Variants in SLC35G1 observed in about 807,000 individuals in gnomAD.
SLC35G1 encodes partner of STIM1.
A neutral mutation model predicts 17.1 loss-of-function variants in SLC35G1; 10 were observed. The observed-to-expected ratio is 0.59, with a 90% confidence interval of 0.36 to 0.99. The LOEUF (loss-of-function observed/expected upper bound fraction) is 0.99. SLC35G1 is among the 50% of genes least tolerant of loss of function. SLC35G1 has a pLI of 0.01. For missense variants in SLC35G1, 433 were observed against 468.4 expected (o/e 0.92, Z 0.70); for synonymous variants, 185 against 181.1 (o/e 1.02, Z -0.18).
intron 2 of SLC35G1, among the ~76,000 whole-genome samples, chr10:93,900,041 T>C (rs1465808496): frequency 2.6e-5 from 4 of 152,160 alleles, no homozygotes; most frequent in African/African-American, 4.8e-5. Context: ...GTCAGCAAGT[T>C]GCACCTAGCC....
chr10:93,908,307 T>C (rs1410259903), downstream of SLC35G1: 3 of 152,198 alleles, frequency 2.0e-5, no homozygotes, highest in Non-Finnish European at 4.4e-5. Context: ...GAACTGAAGT[T>C]CAAAGAGGTT....
At chr10:93,894,240 G>T in intron 1 of SLC35G1, 29 bp downstream of exon 1, 1 of 1,322,344 alleles carries the variant, frequency 7.6e-7, no homozygotes, top group South Asian at 2.0e-5. Flanking sequence ...TCGGGCTCTG[G>T]TCTCGCTCGG....
intron 1 of SLC35G1, among the ~76,000 whole-genome samples, chr10:93,896,321 T>C (rs887390055): frequency 2.6e-5 from 4 of 152,138 alleles, no homozygotes; most frequent in Admixed American, 2.6e-4. Flanking sequence ...GTTACTCAGG[T>C]GATTCTAATT....
At chr10:93,903,941 C>CA (rs1213445844), downstream of SLC35G1, 6 of 67,052 alleles carry the variant, frequency 8.9e-5, no homozygotes, top group Admixed American at 2.2e-4. Flanking sequence ...GATATAATCT[C>CA]AAAGTTTAAA....
chr10:93,899,900 T>A (rs1459253574), intron 2 of SLC35G1, among the ~76,000 whole-genome samples: 1 of 152,158 alleles, frequency 6.6e-6, no homozygotes, highest in African/African-American at 2.4e-5. Flanking sequence ...TTGACCCATT[T>A]TATGTTTTAT....
At position 93,901,530 on chromosome 10, in the gene SLC35G1, A is replaced by G. The variant is rs2060385178; in HGVS notation, c.*40A>G. 6.5e-7 allele frequency: 1 copy of G among 1,543,332 alleles called. No individual in the cohort carries two copies. The highest frequency in any genetic ancestry group is 1.3e-5 in the South Asian group (1 of 77,094). On this transcript the variant is annotated 3_prime_UTR_variant, in exon 3 of 3. Coordinates refer to ENST00000427197, the MANE Select transcript of SLC35G1 (RefSeq NM_001134658.3). ...AATACATATTTTTTTCAAGTACACC[A>G]TCACCTAATTCACATACAGCATACG...
chr10:93,908,657 A>T (rs1175035701), downstream of SLC35G1: 1 of 152,224 alleles, frequency 6.6e-6, no homozygotes, highest in South Asian at 2.1e-4. Context: ...GGCAGTAGCC[A>T]TAAACAATCC....
At position 93,895,854 on chromosome 10, in the gene SLC35G1, A is replaced by T. The variant is rs546519291; in HGVS notation, c.178+1643A>T. On this transcript the variant is annotated intron_variant, in intron 1 of 2. Transcript: ENST00000427197. ...GTGGGTCTTACACTGAAGCAAGGAGAAGTAGTTTCTTAGGCCTGTGCCTCA... is the reference window on the plus strand; with the variant it reads ...GTGGGTCTTACACTGAAGCAAGGAGTAGTAGTTTCTTAGGCCTGTGCCTCA... Among the ~76,000 whole-genome samples the T allele has an allele frequency of 5.9e-5, 9 of 152,160 alleles. No individual in the cohort carries two copies. In the South Asian group the frequency reaches 1.9e-3, roughly 32 times the overall value.
chr10:93,897,890 G>A (rs757622160), intron 1 of SLC35G1, among the ~76,000 whole-genome samples: 1 of 152,214 alleles, frequency 6.6e-6, no homozygotes, highest in Non-Finnish European at 1.5e-5. Context: ...GTGAAAGCAT[G>A]AAAAGTTAAA....
In SLC35G1 at chr10:93,903,784, T is replaced by C. The variant is rs2060412382; in HGVS notation, c.*2294T>C. On this transcript the variant is annotated 3_prime_UTR_variant, in exon 3 of 3. Coordinates refer to ENST00000427197, the MANE Select transcript of SLC35G1 (RefSeq NM_001134658.3). The stretch of plus-strand genomic sequence containing the variant: ...TGAAAAGGAAAATATTTTCATAAAT[T>C]GTTTTTATAAGTACTAATAAAATAA... 6.6e-6 allele frequency: 1 copy of C among 152,242 alleles called. No individual in the cohort carries two copies. The highest frequency in any genetic ancestry group is 2.4e-5 in the African/African-American group (1 of 41,466). 9.4% of individuals were successfully genotyped at this position (152,242 alleles called of 1,614,324 possible). A position where few individuals can be genotyped will look rare whatever the true frequency, so the allele number is the denominator to read the frequency against.
downstream of SLC35G1, chr10:93,907,466 A>G (rs183814471): frequency 2.0e-5 from 3 of 152,336 alleles, no homozygotes; most frequent in East Asian, 5.8e-4. Context: ...AATGTCCCTC[A>G]ATAGAGTACT....
rs756479194 is a variant in SLC35G1 at position 93,894,178 on chromosome 10, C to G, written c.145C>G (p.Leu49Val). ...AGACCGCGGTAGGTGCTGGCTCTGC[C>G]TTTCCTCGCCGTGTTGCTCCCGCAC... is the stretch of plus-strand genomic sequence containing the variant. ...APDRGRCWLC[L>V]SSPCCSRTEP... Residue 49 changes from leucine to valine, a missense_variant, in exon 1 of 3, where the codon CTT becomes GTT. Leu to Val is a conservative substitution (Grantham distance 32, BLOSUM62 1). Transcript: ENST00000427197. 5 of 1,456,192 alleles carry G rather than the reference C, an allele frequency of 3.4e-6. No individual in the cohort carries two copies. The Admixed American group carries it at 7.7e-5, about 23-fold the overall frequency. 90.2% of individuals were successfully genotyped at this position (1,456,192 alleles called of 1,614,324 possible).
intron 2 of SLC35G1, among the ~76,000 whole-genome samples, chr10:93,900,063 C>G (rs2060368480): frequency 6.6e-6 from 1 of 152,192 alleles, no homozygotes; most frequent in African/African-American, 2.4e-5. Flanking sequence ...GGAACCTACA[C>G]AGAGTGGGTA....
chr10:93,901,004 A>G lies in SLC35G1; in HGVS notation c.612A>G (p.Pro204=), dbSNP rs368046634. 1.8e-5 allele frequency: 29 copies of G among 1,614,010 alleles called. No homozygotes were observed. The East Asian group carries it at 5.1e-4, about 29-fold the overall frequency. The change falls in exon 3 of 3, where the codon CCA becomes CCG. Residue 204 remains proline (P), a synonymous_variant. Coordinates refer to ENST00000427197, the MANE Select transcript of SLC35G1 (RefSeq NM_001134658.3). Reference sequence around the variant, plus strand: ...GAGTGATCCTTATCGTGAGACCACCATTTTTGTTTGGTTCCGACACTTCGG... The same window carrying G: ...GAGTGATCCTTATCGTGAGACCACCGTTTTTGTTTGGTTCCGACACTTCGG... The part of the protein sequence containing the change: ...ITGVILIVRP[P]FLFGSDTSGM...
In SLC35G1 at chr10:93,894,044, A is replaced by T; in HGVS notation, c.11A>T (p.Gln4Leu). 1 of 1,465,742 alleles carries T rather than the reference A, an allele frequency of 6.8e-7. No individual in the cohort carries two copies. The highest frequency in any genetic ancestry group is 9.0e-7 in the Non-Finnish European group (1 of 1,116,804). 90.8% of individuals were successfully genotyped at this position (1,465,742 alleles called of 1,614,324 possible). ...AGCGCGTGCCGCGAGATGCGGCCTC[A>T]GGACAGCACCGGGGTCGCGGAGCTC... MRP[Q>L]DSTGVAELQE... Residue 4 changes from glutamine to leucine, a missense_variant, in exon 1 of 3, where the codon CAG (glutamine) becomes CTG (leucine). By Grantham distance (113) the Gln-to-Leu change is moderately radical (BLOSUM62 -2). Coordinates refer to ENST00000427197, the MANE Select transcript of SLC35G1 (RefSeq NM_001134658.3).
chr10:93,899,205 G>A (rs1422634365), intron 2 of SLC35G1, among the ~76,000 whole-genome samples: 1 of 152,140 alleles, frequency 6.6e-6, no homozygotes, highest in African/African-American at 2.4e-5. Context: ...AGGTGATGGG[G>A]TAACCCTGAG....
intron 1 of SLC35G1, 42 bp downstream of exon 1, chr10:93,894,253 G>A (rs2060307715): frequency 5.4e-6 from 7 of 1,300,374 alleles, no homozygotes; most frequent in South Asian, 4.3e-5. Context: ...TCGCTCGGGG[G>A]TCCCGAGCGG....
At chr10:93,908,748 A>G (rs1224353970), downstream of SLC35G1, 2 of 152,166 alleles carry the variant, frequency 1.3e-5, no homozygotes, top group Admixed American at 6.5e-5. Flanking sequence ...TATATGGACT[A>G]TATAATCAGT....
rs775038883 is a variant in SLC35G1, at chr10:93,900,727, T to C, written c.360-25T>C. On this transcript the variant is annotated intron_variant, in intron 2 of 2. Transcript: ENST00000427197. ...AAACAAATATTAATTTCATTTAATATGCATTTCTTCATTTGAATTTACAGA... is the reference window on the plus strand; with the variant it reads ...AAACAAATATTAATTTCATTTAATACGCATTTCTTCATTTGAATTTACAGA... The C allele has an allele frequency of 2.0e-6, 3 of 1,508,440 alleles. No homozygotes were observed. The East Asian group carries it at 6.9e-5, about 35-fold the overall frequency. 93.4% of individuals were successfully genotyped at this position (1,508,440 alleles called of 1,614,324 possible).
Sources: allele counts gnomAD v4.1 joint callset (sites outside exome capture counted in the v4.1 genomes callset), GRCh38; gene constraint gnomAD v4.1.1; transcripts MANE v1.5; gene names NCBI Gene and HGNC (gene_info 2026-07-23, HGNC 2026-07-21).